The following PIP variants were observed in gnomAD, a reference collection of about 807,000 sequenced individuals.
The protein encoded by PIP is prolactin-inducible protein.
PIP carries 9 observed loss-of-function variants against 12.8 expected under a neutral mutation model. The observed-to-expected ratio is 0.70, with a 90% CI of 0.42 to 1.23. The LOEUF (loss-of-function observed/expected upper bound fraction) is 1.23, where lower values mean the gene tolerates loss of function less well. Ranked by LOEUF, PIP falls within the 50% of genes most tolerant of loss-of-function variation. The pLI, the probability that PIP is intolerant of heterozygous loss-of-function variation, is 0.00. For synonymous variants in PIP, 60 were observed against 66.1 expected (o/e 0.91, Z 0.45); for missense variants, 172 against 179.5 (o/e 0.96, Z 0.24).
At chr7:143,135,080 C>T in intron 1 of PIP, 114 bp from the exon 2 acceptor site, 1 of 553,152 alleles carries the variant, frequency 1.8e-6, no homozygotes, top group African/African-American at 1.9e-5. Flanking sequence ...TGATCCAAGC[C>T]CCATAATTTC....
intron 2 of PIP, among the ~76,000 whole-genome samples, 194 bp downstream of exon 2, chr7:143,135,493 G>A (rs1329307680): frequency 6.6e-6 from 1 of 152,032 alleles, no homozygotes; most frequent in Non-Finnish European, 1.5e-5. Flanking sequence ...GAAGAAGTTC[G>A]AATCCAGAGA....
At chr7:143,132,330 G>T in intron 1 of PIP, 119 bp downstream of exon 1, 1 of 1,176,214 alleles carries the variant, frequency 8.5e-7, no homozygotes, top group East Asian at 2.4e-5. Flanking sequence ...TCTAGTCCCA[G>T]GAGCTCCCAT....
chr7:143,137,413 T>C (rs1031184437), intron 2 of PIP, among the ~76,000 whole-genome samples: 14 of 152,098 alleles, frequency 9.2e-5, no homozygotes, highest in African/African-American at 3.4e-4. Context: ...TATAGAAGAG[T>C]TGAATTTTAT....
chr7:143,139,398 G>C (rs1799345153), intron 3 of PIP, 120 bp from the exon 4 acceptor site: 1 of 1,327,876 alleles, frequency 7.5e-7, no homozygotes, highest in South Asian at 1.4e-5. Flanking sequence ...TGATACAGGA[G>C]ACAAATTTGC....
intron 2 of PIP, 118 bp downstream of exon 2, chr7:143,135,417 G>A: frequency 2.0e-6 from 1 of 505,516 alleles, no homozygotes; most frequent in Non-Finnish European, 3.6e-6. Flanking sequence ...TCTCACTTAT[G>A]TTATGCTACT....
Position 143,139,654 on chromosome 7 carries a change from T to C in PIP, c.*12T>C. ...TAAAGGTAGAATAATGGAAGCCCTG[T>C]CTGTTTGCCACACCCAGGTGATTTC... is the stretch of plus-strand genomic sequence containing the variant. On this transcript the variant is annotated 3_prime_UTR_variant, in exon 4 of 4. Coordinates refer to ENST00000291009, the MANE Select transcript of PIP (RefSeq NM_002652.3). 1 of 1,603,926 alleles carries C rather than the reference T, an allele frequency of 6.2e-7. No individual in the cohort carries two copies. Among genetic ancestry groups the C allele is most frequent in the Non-Finnish European group, 8.5e-7 (1 of 1,171,774 alleles).
chr7:143,132,261 C>T lies in PIP; in HGVS notation c.95+50C>T, dbSNP rs201953990. 8.2e-4 allele frequency: 1,316 copies of T among 1,596,642 alleles called. 13 individuals carry two copies. Among genetic ancestry groups the T allele is most frequent in the Non-Finnish European group, 1.0e-3 (1,215 of 1,165,808 alleles). ...ACAAAAAAAATTGCAGGGAGGGCTC[C>T]TCTCCCAGTCTGGAAATTACATATC... On this transcript the variant is annotated intron_variant, in intron 1 of 3. Transcript: ENST00000291009.
At chr7:143,138,340 A>T (rs1780605100) in intron 2 of PIP, among the ~76,000 whole-genome samples, 1 of 152,000 alleles carries the variant, frequency 6.6e-6, no homozygotes, top group South Asian at 2.1e-4. Context: ...GAGTCCACAG[A>T]CTCACTGAAT....
chr7:143,135,154 C>A (rs1799294176), intron 1 of PIP, 40 bp from the exon 2 acceptor site: 6 of 1,102,620 alleles, frequency 5.4e-6, no homozygotes, highest in Admixed American at 1.8e-5. Flanking sequence ...AAAGATTGGT[C>A]TCTGATCCTG....
intron 1 of PIP, among the ~76,000 whole-genome samples, chr7:143,132,826 A>G (rs1353092057): frequency 6.6e-6 from 1 of 152,130 alleles, no homozygotes; most frequent in African/African-American, 2.4e-5. Context: ...AAGCAGAAAA[A>G]TTGGAGCAAG....
rs1461219721 is a variant in PIP at position 143,139,605 on chromosome 7, AC to A, written c.406del (p.Arg136GlyfsTer8). The A allele has an allele frequency of 1.2e-6, 2 of 1,612,782 alleles. No homozygotes were observed. The highest frequency in any genetic ancestry group is 1.7e-6 in the Non-Finnish European group (2 of 1,178,836). On this transcript the variant is annotated frameshift_variant, in exon 4 of 4. Coordinates refer to ENST00000291009, the MANE Select transcript of PIP (RefSeq NM_002652.3). LOFTEE classifies it low-confidence loss of function (END_TRUNC). ...DDAAVIPIKN[N>X]RFYTIEILKV... ...GCTGCTGTAATCCCCATCAAAAACAACCGGTTTTATACTATTGAAATCCTAA... is the reference window on the plus strand; with the variant it reads ...GCTGCTGTAATCCCCATCAAAAACAACGGTTTTATACTATTGAAATCCTAA...
At chr7:143,132,731 A>C (rs1230940206) in intron 1 of PIP, among the ~76,000 whole-genome samples, 2 of 152,102 alleles carry the variant, frequency 1.3e-5, no homozygotes, top group Non-Finnish European at 2.9e-5. Context: ...CTGAAGATGA[A>C]TATGATGACC....
Position 143,132,190 on chromosome 7 carries a change from C to A in PIP, c.74C>A (p.Ala25Asp), listed in dbSNP as rs754560822. 3.8e-5 allele frequency: 61 copies of A among 1,613,436 alleles called. No homozygotes were observed. Among genetic ancestry groups the A allele is most frequent in the Non-Finnish European group, 4.8e-5 (57 of 1,179,532 alleles). The change falls in exon 1 of 4, where the codon GCC (alanine) becomes GAC (aspartate). Residue 25 changes from alanine (A) to aspartate (D), a missense_variant. Coordinates refer to ENST00000291009, the MANE Select transcript of PIP (RefSeq NM_002652.3). Reference sequence around the variant, plus strand: ...CTGGTTCTCTGCCTGCAGTTGGGGGCCAACAAAGCTCAGGACAACACGTGA... The same window carrying A: ...CTGGTTCTCTGCCTGCAGTTGGGGGACAACAAAGCTCAGGACAACACGTGA... ...LLLVLCLQLG[A>D]NKAQDNTRKI...
intron 1 of PIP, among the ~76,000 whole-genome samples, chr7:143,132,797 G>T (rs920284763): frequency 5.9e-5 from 9 of 152,070 alleles, no homozygotes; most frequent in Non-Finnish European, 1.3e-4. Context: ...TCAACTTATT[G>T]AGAACACATG....
At chr7:143,132,745 T>C (rs766310451) in intron 1 of PIP, among the ~76,000 whole-genome samples, 4 of 152,118 alleles carry the variant, frequency 2.6e-5, no homozygotes, top group Admixed American at 6.5e-5. Context: ...GATGACCTCT[T>C]GCTCTCACGT....
chr7:143,138,951 C>T, intron 2 of PIP, 124 bp from the exon 3 acceptor site: 1 of 662,000 alleles, frequency 1.5e-6, no homozygotes, highest in Non-Finnish European at 2.8e-6. Flanking sequence ...AGTAGACTCC[C>T]CCTTGCCCTA....
chr7:143,133,623 G>C (rs1467525903), intron 1 of PIP, among the ~76,000 whole-genome samples: 4 of 151,942 alleles, frequency 2.6e-5, no homozygotes, highest in Admixed American at 1.3e-4. Flanking sequence ...TTCCTTTTCA[G>C]ATTGCAGTGT....
At position 143,133,273 on chromosome 7, in the gene PIP, G is replaced by T. The variant is rs936131991; in HGVS notation, c.95+1062G>T. 3.3e-5 allele frequency among the ~76,000 whole-genome samples: 5 copies of T among 151,994 alleles called. No individual in the cohort carries two copies. The East Asian group carries it at 5.8e-4, about 18-fold the overall frequency. On this transcript the variant is annotated intron_variant, in intron 1 of 3. Coordinates refer to ENST00000291009, the MANE Select transcript of PIP (RefSeq NM_002652.3). The stretch of plus-strand genomic sequence containing the variant: ...ACCTCAGTCCTGGGTAAACTGAGAT[G>T]GTTAGTCACTCGAACTAAGCTGGTC...
chr7:143,139,574 G>C lies in PIP; in HGVS notation c.373G>C (p.Asp125His). The change falls in exon 4 of 4, where the codon GAT (aspartate) becomes CAT (histidine). Residue 125 changes from aspartate (D) to histidine (H), a missense_variant. Transcript: ENST00000291009. ...DVIRELGICP[D>H]DAAVIPIKNN... ...TATTCGGGAATTAGGCATCTGCCCT[G>C]ATGATGCTGCTGTAATCCCCATCAA... The C allele has an allele frequency of 6.2e-7, 1 of 1,611,898 alleles. No individual in the cohort carries two copies. Among genetic ancestry groups the C allele is most frequent in the East Asian group, 2.2e-5 (1 of 44,888 alleles).
Sources: allele counts gnomAD v4.1 joint callset (sites outside exome capture counted in the v4.1 genomes callset), GRCh38; gene constraint gnomAD v4.1.1; transcripts MANE v1.5; gene names NCBI Gene and HGNC (gene_info 2026-07-23, HGNC 2026-07-21).